Variants in ZNF674 observed in about 807,000 individuals in gnomAD.
The protein encoded by ZNF674 is zinc finger protein 674.
In ZNF674, 2 loss-of-function variants were observed where a neutral mutation model predicts 7.0. That is an observed-to-expected ratio of 0.29 (90% CI 0.12 to 0.90). The LOEUF is 0.90. Among genes scored for constraint, ZNF674 ranks in the 40% least tolerant of loss-of-function variants. The pLI, the probability that ZNF674 is intolerant of heterozygous loss-of-function variation, is 0.57. For synonymous variants in ZNF674, 103 were observed against 145.2 expected, an observed-to-expected ratio of 0.71 and a Z score of 2.09; for missense variants, 297 against 415.5, an observed-to-expected ratio of 0.71 and a Z score of 2.48.
chrX:46,535,261 C>T (rs1217233510), intron 3 of ZNF674, among the ~76,000 whole-genome samples: 2 of 111,030 alleles, frequency 1.8e-5, no homozygotes, highest in Non-Finnish European at 3.8e-5. Context: ...ATCCTCCCAC[C>T]TCAGCTTCCC....
At chrX:46,526,089 G>A (rs1163381924) in intron 5 of ZNF674, among the ~76,000 whole-genome samples, 1 of 111,548 alleles carries the variant, frequency 9.0e-6, no homozygotes, top group Non-Finnish European at 1.9e-5. Flanking sequence ...AAATCCCTGC[G>A]GGCTTTTGTG....
chrX:46,529,681 A>G (rs757705362), intron 3 of ZNF674: 1 of 109,626 alleles, frequency 9.1e-6, no homozygotes, highest in Admixed American at 9.9e-5. Flanking sequence ...AAAAAAAAAA[A>G]AAAAGACACC....
In ZNF674 at chrX:46,512,576, C is replaced by T. The variant is rs192674634; in HGVS notation, c.239-11241G>A. On this transcript the variant is annotated intron_variant, in intron 5 of 5. Coordinates refer to ENST00000683375, the MANE Select transcript of ZNF674 (RefSeq NM_001190417.2). ...AGGAGTTCGAGTTCAGCCTGGCCAA[C>T]ATGGTGAAACCCCATCTCTAACAAA... 5.9e-3 allele frequency among the ~76,000 whole-genome samples: 645 copies of T among 108,454 alleles called. 3 individuals are homozygous for T. The highest frequency in any genetic ancestry group is 0.02 in the African/African-American group (605 of 29,823). 94.2% of individuals were successfully genotyped at this position (108,454 alleles called of 115,157 possible).
At chrX:46,542,313 G>A (rs1942307325) in intron 2 of ZNF674, among the ~76,000 whole-genome samples, 197 bp from the exon 3 acceptor site, 1 of 112,248 alleles carries the variant, frequency 8.9e-6, no homozygotes, top group African/African-American at 3.2e-5. Context: ...TTACTGGACA[G>A]ATGTATGACT....
intron 5 of ZNF674, among the ~76,000 whole-genome samples, chrX:46,514,130 A>T (rs1215513578): frequency 2.7e-5 from 3 of 111,287 alleles, no homozygotes; most frequent in African/African-American, 6.6e-5. Context: ...TAAGGAAAAT[A>T]ATTTCTTTAG....
chrX:46,542,898 CA>C (rs1330387513), intron 2 of ZNF674, among the ~76,000 whole-genome samples: 2 of 111,599 alleles, frequency 1.8e-5, no homozygotes. Flanking sequence ...AGTGTAATCT[CA>C]TTTTTGTTAA....
At chrX:46,543,245 C>T (rs1192914831) in intron 2 of ZNF674, among the ~76,000 whole-genome samples, 4 of 112,016 alleles carry the variant, frequency 3.6e-5, no homozygotes, top group Non-Finnish European at 7.5e-5. Flanking sequence ...TGAGCCACCG[C>T]GCCTGACCTC....
chrX:46,528,468 G>C lies in ZNF674; in HGVS notation c.143-23C>G, dbSNP rs778400479. On this transcript the variant is annotated intron_variant, in intron 4 of 5. Transcript: ENST00000683375. Reference sequence around the variant, plus strand: ...GCCCTGTTTAGGGGACATGACATAGGACTTTGTTATTAATGCTGAGGAATT... The same window carrying C: ...GCCCTGTTTAGGGGACATGACATAGCACTTTGTTATTAATGCTGAGGAATT... The C allele has an allele frequency of 1.0e-5, 12 of 1,192,940 alleles. No homozygotes were observed. In the South Asian group the frequency reaches 2.1e-4, roughly 21 times the overall value.
chrX:46,506,275 G>A (rs1199654378), intron 5 of ZNF674, among the ~76,000 whole-genome samples: 1 of 111,247 alleles, frequency 9.0e-6, no homozygotes, highest in African/African-American at 3.3e-5. Context: ...ATGATTTTCT[G>A]GTATGATGTG....
chrX:46,517,243 T>A (rs903827531), intron 5 of ZNF674, among the ~76,000 whole-genome samples: 14 of 109,540 alleles, frequency 1.3e-4, no homozygotes, highest in African/African-American at 4.6e-4. Flanking sequence ...CTGAAATGAA[T>A]GGATAAATAG....
At chrX:46,509,754 A>G (rs1333012088) in intron 5 of ZNF674, among the ~76,000 whole-genome samples, 1 of 98,185 alleles carries the variant, frequency 1.0e-5, no homozygotes, top group Non-Finnish European at 2.0e-5. Flanking sequence ...ATCTAGAACT[A>G]GAAATACCAT....
chrX:46,540,030 G>C (rs1231648187), intron 3 of ZNF674, among the ~76,000 whole-genome samples: 1 of 111,745 alleles, frequency 8.9e-6, no homozygotes, highest in Non-Finnish European at 1.9e-5. Context: ...GGATCACGAG[G>C]TCAGGAGATC....
chrX:46,507,641 A>T (rs1295715842), intron 5 of ZNF674, among the ~76,000 whole-genome samples: 1 of 111,612 alleles, frequency 9.0e-6, no homozygotes, highest in Non-Finnish European at 1.9e-5. Context: ...AGCTAACTGT[A>T]TAGTCATATT....
At chrX:46,526,829 A>C (rs1942017357) in intron 5 of ZNF674, among the ~76,000 whole-genome samples, 1 of 111,787 alleles carries the variant, frequency 8.9e-6, no homozygotes, top group African/African-American at 3.3e-5. Flanking sequence ...GATTTGTTAG[A>C]TAGGATACAA....
intron 5 of ZNF674, among the ~76,000 whole-genome samples, chrX:46,506,561 T>A (rs1941544832): frequency 9.0e-6 from 1 of 111,015 alleles, no homozygotes. Flanking sequence ...GAGAAAAAAA[T>A]TATATCAAGT....
At chrX:46,515,902 T>C (rs1031460026) in intron 5 of ZNF674, among the ~76,000 whole-genome samples, 2 of 111,485 alleles carry the variant, frequency 1.8e-5, no homozygotes, top group Non-Finnish European at 3.8e-5. Context: ...TTAGCCACTG[T>C]GCCCATCCCT....
At chrX:46,539,837 A>G (rs5952902) in intron 3 of ZNF674, among the ~76,000 whole-genome samples, 2,591 of 112,309 alleles carry the variant, frequency 0.023, 68 homozygotes, top group African/African-American at 0.079. Context: ...AATACAAGTA[A>G]AGTGGAATGA....
intron 3 of ZNF674, among the ~76,000 whole-genome samples, chrX:46,539,205 A>G (rs5952901): frequency 8.9e-6 from 1 of 112,035 alleles, no homozygotes; most frequent in Admixed American, 9.5e-5. Flanking sequence ...ACAAACAAAA[A>G]ATATGAAAAG....
Position 46,498,322 on chromosome X carries a change from A to G in ZNF674, c.*1521T>C, listed in dbSNP as rs750751504. ...TAAAATTATTACTCTTTATTAAAAC[A>G]TGGAGAATTTTAAGTTCTAAGCACT... On this transcript the variant is annotated 3_prime_UTR_variant, in exon 6 of 6. Coordinates refer to ENST00000683375, the MANE Select transcript of ZNF674 (RefSeq NM_001190417.2). 1 of 111,770 alleles carries G rather than the reference A, an allele frequency of 8.9e-6. No homozygotes were observed. Among genetic ancestry groups the G allele is most frequent in the South Asian group, 3.7e-4 (1 of 2,709 alleles). The allele number at this position is 111,770 out of a possible 1,213,427, so 9.2% of individuals were successfully genotyped here. A position where few individuals can be genotyped will look rare whatever the true frequency, so the allele number is the denominator to read the frequency against.
Sources: gnomAD v4.1 joint callset for allele counts (sites outside exome capture counted in the v4.1 genomes callset) on GRCh38, gnomAD v4.1.1 for gene constraint, MANE v1.5 for transcripts, NCBI Gene and HGNC (gene_info 2026-07-23, HGNC 2026-07-21) for gene names.